The following NEO1 variants were observed in gnomAD, a reference collection of about 807,000 sequenced individuals.
The protein encoded by NEO1 is neogenin 1, also known as neogenin.
NEO1 carries 63 observed loss-of-function variants against 159.7 expected under a neutral mutation model. The observed-to-expected ratio is 0.39, with a 90% confidence interval of 0.32 to 0.49. NEO1 has a LOEUF of 0.49. NEO1 is among the 20% of genes least tolerant of loss of function. The pLI is 0.85. For synonymous variants in NEO1, 633 were observed against 662.0 expected (o/e 0.96, Z 0.67); for missense variants, 1,615 against 1,831.0 (o/e 0.88, Z 2.15).
intron 5 of NEO1, among the ~76,000 whole-genome samples, chr15:73,170,594 G>T (rs908187998): frequency 2.6e-5 from 4 of 152,214 alleles, no homozygotes; most frequent in African/African-American, 9.6e-5. Context: ...AATAACCTGA[G>T]TGAATTGAAA....
chr15:73,294,431 A>G (rs2042277193), intron 26 of NEO1, among the ~76,000 whole-genome samples: 1 of 152,210 alleles, frequency 6.6e-6, no homozygotes, highest in African/African-American at 2.4e-5. Context: ...GGTCTGGGGA[A>G]TAAGGGAATT....
chr15:73,239,055 G>A (rs1296323109), intron 8 of NEO1, among the ~76,000 whole-genome samples: 1 of 152,100 alleles, frequency 6.6e-6, no homozygotes, highest in East Asian at 1.9e-4. Flanking sequence ...CACCGTGTTA[G>A]CCAGGCTGGT....
chr15:73,126,170 A>G (rs966787114), intron 3 of NEO1, among the ~76,000 whole-genome samples: 25 of 152,206 alleles, frequency 1.6e-4, no homozygotes, highest in African/African-American at 5.5e-4. Flanking sequence ...ATATTTTGTC[A>G]TATAAAGCCA....
chr15:73,053,237 G>A (rs1045502009), intron 1 of NEO1, among the ~76,000 whole-genome samples: 1 of 152,168 alleles, frequency 6.6e-6, no homozygotes, highest in African/African-American at 2.4e-5. Context: ...TTGAGCTCCT[G>A]GTTCCCTGGC....
At chr15:73,074,182 A>G (rs1448057491) in intron 1 of NEO1, among the ~76,000 whole-genome samples, 2 of 152,210 alleles carry the variant, frequency 1.3e-5, no homozygotes, top group African/African-American at 2.4e-5. Flanking sequence ...GTATCAGCTC[A>G]GGCATAGTTC....
chr15:73,267,631 A>G (rs925536577), intron 16 of NEO1, among the ~76,000 whole-genome samples: 2 of 145,612 alleles, frequency 1.4e-5, no homozygotes, highest in Non-Finnish European at 3.0e-5. Flanking sequence ...GAGTGAGAAC[A>G]TGCGGTGTTT....
intron 4 of NEO1, among the ~76,000 whole-genome samples, chr15:73,134,398 C>T (rs2031506606): frequency 6.6e-6 from 1 of 152,112 alleles, no homozygotes; most frequent in Admixed American, 6.5e-5. Flanking sequence ...GAAACTTAAT[C>T]AAGTTTATCA....
intron 7 of NEO1, among the ~76,000 whole-genome samples, chr15:73,183,764 A>G (rs1052009619): frequency 1.3e-5 from 2 of 152,098 alleles, no homozygotes; most frequent in African/African-American, 4.8e-5. Context: ...AGGAAAAAAA[A>G]AGAGAGAGAA....
At chr15:73,062,061 G>T (rs2068006332) in intron 1 of NEO1, among the ~76,000 whole-genome samples, 1 of 152,198 alleles carries the variant, frequency 6.6e-6, no homozygotes. Flanking sequence ...TGGAATTGTA[G>T]GGCAAGAGGG....
intron 12 of NEO1, 123 bp from the exon 13 acceptor site, chr15:73,254,559 T>A: frequency 2.1e-6 from 2 of 955,974 alleles, no homozygotes; most frequent in South Asian, 3.9e-5. Context: ...TTTGTAAAAC[T>A]CTGAGTACCT....
intron 5 of NEO1, among the ~76,000 whole-genome samples, chr15:73,175,703 A>G (rs945551625): frequency 1.2e-4 from 19 of 152,214 alleles, no homozygotes; most frequent in Admixed American, 1.2e-3. Flanking sequence ...CAAGGATGTC[A>G]TATAGGAAAT....
intron 7 of NEO1, among the ~76,000 whole-genome samples, chr15:73,208,530 C>A: frequency 6.6e-6 from 1 of 152,166 alleles, no homozygotes; most frequent in South Asian, 2.1e-4. Context: ...TCTAAAGCTT[C>A]TTTTTTACCT....
chr15:73,133,591 G>A (rs1370929180), intron 4 of NEO1, among the ~76,000 whole-genome samples: 3 of 152,078 alleles, frequency 2.0e-5, no homozygotes, highest in Non-Finnish European at 4.4e-5. Flanking sequence ...AAAAATAAAA[G>A]TTCTCCTTAG....
chr15:73,254,539 A>G, intron 12 of NEO1, 143 bp from the exon 13 acceptor site: 2 of 757,182 alleles, frequency 2.6e-6, no homozygotes, highest in Admixed American at 6.6e-5. Flanking sequence ...TTGAGTGATT[A>G]TTAAATAACT....
intron 1 of NEO1, among the ~76,000 whole-genome samples, chr15:73,086,029 C>G (rs1395434888): frequency 6.6e-6 from 1 of 152,148 alleles, no homozygotes; most frequent in South Asian, 2.1e-4. Flanking sequence ...GCCAGGTTTA[C>G]AAAGACTTTT....
chr15:73,072,351 G>T (rs1335367075), intron 1 of NEO1, among the ~76,000 whole-genome samples: 1 of 152,040 alleles, frequency 6.6e-6, no homozygotes, highest in East Asian at 1.9e-4. Flanking sequence ...ATTTTTAAAA[G>T]TTTTAATTTT....
intron 23 of NEO1, among the ~76,000 whole-genome samples, chr15:73,287,941 C>T (rs896714448): frequency 6.6e-6 from 1 of 151,794 alleles, no homozygotes; most frequent in African/African-American, 2.4e-5. Flanking sequence ...TTTCCCTCTA[C>T]TCCATTGTTA....
chr15:73,249,025 A>G (rs1470805118), intron 9 of NEO1, 35 bp from the exon 10 acceptor site: 1 of 1,610,732 alleles, frequency 6.2e-7, no homozygotes, highest in East Asian at 2.2e-5. Flanking sequence ...GTAGCATTTC[A>G]TTTATATCTT....
chr15:73,121,214 C>T (rs909734774), intron 2 of NEO1, among the ~76,000 whole-genome samples: 2 of 152,170 alleles, frequency 1.3e-5, no homozygotes, highest in African/African-American at 4.8e-5. Flanking sequence ...AGAGTACCCG[C>T]CTGTCCTCCT....
Sources: gnomAD v4.1 joint callset for allele counts (sites outside exome capture counted in the v4.1 genomes callset) on GRCh38, gnomAD v4.1.1 for gene constraint, MANE v1.5 for transcripts, NCBI Gene and HGNC (gene_info 2026-07-23, HGNC 2026-07-21) for gene names.